Variants in SYNPR observed in about 807,000 individuals in gnomAD.
SYNPR encodes the protein synaptoporin.
A neutral mutation model predicts 32.9 loss-of-function variants in SYNPR; 23 were observed. That is an observed-to-expected ratio of 0.70 (90% CI 0.50 to 0.99). The LOEUF (loss-of-function observed/expected upper bound fraction) is 0.99, where lower values mean the gene tolerates loss of function less well. Ranked by LOEUF, SYNPR falls within the 50% of genes least tolerant of loss-of-function variation. The pLI is 0.00. For synonymous variants in SYNPR, 146 were observed against 135.9 expected (o/e 1.07, Z -0.52); for missense variants, 318 against 349.3 (o/e 0.91, Z 0.71).
At chr3:63,455,990 G>C (rs535569385) in intron 2 of SYNPR, among the ~76,000 whole-genome samples, 57 of 152,018 alleles carry the variant, frequency 3.7e-4, no homozygotes, top group Non-Finnish European at 7.4e-4. Context: ...ACATGGCTGG[G>C]GAGGCCTCAC....
intron 3 of SYNPR, among the ~76,000 whole-genome samples, chr3:63,536,760 T>G (rs1254697300): frequency 6.6e-6 from 1 of 152,162 alleles, no homozygotes; most frequent in Non-Finnish European, 1.5e-5. Context: ...TTAAAGGTGA[T>G]ATAGCTATAC....
chr3:63,410,590 T>C (rs1393081929), intron 2 of SYNPR, among the ~76,000 whole-genome samples: 1 of 152,200 alleles, frequency 6.6e-6, no homozygotes, highest in Non-Finnish European at 1.5e-5. Flanking sequence ...CATGTTTGTG[T>C]CTGCCTTGTA....
intron 4 of SYNPR, among the ~76,000 whole-genome samples, chr3:63,563,434 C>A (rs867080454): frequency 3.3e-5 from 5 of 152,292 alleles, no homozygotes; most frequent in African/African-American, 1.2e-4. Flanking sequence ...ACCAGCTACA[C>A]CTTTGTTTGA....
intron 3 of SYNPR, among the ~76,000 whole-genome samples, chr3:63,529,350 T>G (rs183855223): frequency 2.1e-4 from 32 of 152,382 alleles, no homozygotes; most frequent in Admixed American, 3.9e-4. Flanking sequence ...TTATTTGTGT[T>G]ATTTTCATTG....
At chr3:63,544,730 A>T (rs7653698) in intron 3 of SYNPR, among the ~76,000 whole-genome samples, 57,796 of 151,902 alleles carry the variant, frequency 0.38, 11,326 homozygotes, top group African/African-American at 0.49. Flanking sequence ...TTGGATTTTT[A>T]AAATCAACTT....
intron 5 of SYNPR, among the ~76,000 whole-genome samples, chr3:63,613,103 C>G (rs1700225248): frequency 6.6e-6 from 1 of 151,660 alleles, no homozygotes; most frequent in South Asian, 2.1e-4. Context: ...CTTCCAAGTA[C>G]CCCTTCTGAG....
At chr3:63,576,256 G>C (rs1702977850) in intron 4 of SYNPR, among the ~76,000 whole-genome samples, 1 of 152,056 alleles carries the variant, frequency 6.6e-6, no homozygotes. Context: ...AATGTTACTT[G>C]GTATTTAACA....
chr3:63,262,226 G>C (rs560297236), intron 2 of SYNPR, among the ~76,000 whole-genome samples: 4 of 152,198 alleles, frequency 2.6e-5, no homozygotes, highest in South Asian at 4.1e-4. Flanking sequence ...GACTGGAACA[G>C]TGGGGAAAGG....
intron 2 of SYNPR, among the ~76,000 whole-genome samples, chr3:63,476,158 G>GAA (rs1437828314): frequency 2.0e-5 from 1 of 50,744 alleles, no homozygotes; most frequent in Non-Finnish European, 4.4e-5. Context: ...AGGGAGGGAG[G>GAA]GAGGGAGGGA....
At chr3:63,404,509 A>G (rs2088334193) in intron 2 of SYNPR, among the ~76,000 whole-genome samples, 1 of 152,152 alleles carries the variant, frequency 6.6e-6, no homozygotes, top group South Asian at 2.1e-4. Flanking sequence ...TTTCACTGGA[A>G]CATTTTAAGC....
chr3:63,230,802 T>C (rs1416142202), intron 1 of SYNPR, among the ~76,000 whole-genome samples: 2 of 152,310 alleles, frequency 1.3e-5, no homozygotes, highest in Middle Eastern at 3.4e-3. Context: ...CGGATAAATC[T>C]CTTATCTCAG....
intron 3 of SYNPR, among the ~76,000 whole-genome samples, chr3:63,504,055 A>T (rs914351688): frequency 5.3e-5 from 8 of 152,116 alleles, no homozygotes; most frequent in African/African-American, 1.9e-4. Context: ...ACATTTCCAA[A>T]TCTTTAGCAA....
intron 3 of SYNPR, among the ~76,000 whole-genome samples, chr3:63,556,105 A>T (rs1218554457): frequency 1.3e-5 from 2 of 152,220 alleles, no homozygotes; most frequent in African/African-American, 2.4e-5. Context: ...GTCATAACTG[A>T]GAAACAGAAA....
intron 4 of SYNPR, among the ~76,000 whole-genome samples, chr3:63,587,181 G>A (rs1181485784): frequency 1.3e-5 from 2 of 152,004 alleles, no homozygotes. Context: ...CATTGGCCGT[G>A]ACTAAATAAG....
At chr3:63,314,801 A>T (rs1429034794) in intron 2 of SYNPR, among the ~76,000 whole-genome samples, 1 of 151,960 alleles carries the variant, frequency 6.6e-6, no homozygotes, top group Non-Finnish European at 1.5e-5. Flanking sequence ...TCCTTGCCTA[A>T]GCCAATGTGT....
At chr3:63,550,867 A>T (rs1241840059) in intron 3 of SYNPR, among the ~76,000 whole-genome samples, 1 of 152,176 alleles carries the variant, frequency 6.6e-6, no homozygotes, top group Admixed American at 6.5e-5. Context: ...AAGACCCCAC[A>T]ATGGGGGCCC....
chr3:63,358,681 A>G lies in SYNPR; in HGVS notation c.84+79939A>G, dbSNP rs943301635. ...TTCAGTTGCGTGGAGGGACTGCAAC[A>G]TTAATTAGAACTGAAGTTTAATTAA... is the stretch of plus-strand genomic sequence containing the variant. On this transcript the variant is annotated intron_variant, in intron 2 of 5. Coordinates refer to ENST00000478300, the MANE Select transcript of SYNPR (RefSeq NM_001130003.2). Among the ~76,000 whole-genome samples the G allele has an allele frequency of 7.2e-5, 11 of 152,176 alleles. No homozygotes were observed. In the East Asian group the frequency reaches 7.7e-4, roughly 11 times the overall value.
At chr3:63,451,942 T>G (rs1700386551) in intron 2 of SYNPR, 5 of 584,842 alleles carry the variant, frequency 8.5e-6, no homozygotes, top group Non-Finnish European at 1.5e-5. Flanking sequence ...AGCTCACCTC[T>G]TCACTCTGAG....
At chr3:63,252,345 ATGTTTAG>A in intron 1 of SYNPR, among the ~76,000 whole-genome samples, 1 of 152,156 alleles carries the variant, frequency 6.6e-6, no homozygotes, top group African/African-American at 2.4e-5. Context: ...TCTTTACATC[ATGTTTAG>A]TGATCCATTA....
Sources: gnomAD v4.1 joint callset for allele counts (sites outside exome capture counted in the v4.1 genomes callset) on GRCh38, gnomAD v4.1.1 for gene constraint, MANE v1.5 for transcripts, NCBI Gene and HGNC (gene_info 2026-07-23, HGNC 2026-07-21) for gene names.